The following HRH2 variants were observed in gnomAD, a reference collection of about 807,000 sequenced individuals.
The protein encoded by HRH2 is histamine receptor H2, also known as histamine H2 receptor.
A neutral mutation model predicts 20.1 loss-of-function variants in HRH2; 4 were observed. That is an observed-to-expected ratio of 0.20 (90% CI 0.10 to 0.45). The LOEUF is 0.45. Among genes scored for constraint, HRH2 ranks in the 20% least tolerant of loss-of-function variants. The pLI, the probability that HRH2 is intolerant of heterozygous loss-of-function variation, is 0.99. For missense variants in HRH2, 250 were observed against 461.6 expected (o/e 0.54, Z 4.20); for synonymous variants, 197 against 200.7 (o/e 0.98, Z 0.16).
chr5:175,684,339 TG>T (rs1365198426), intron 2 of HRH2, 30 bp downstream of exon 2: 2 of 1,599,416 alleles, frequency 1.3e-6, no homozygotes, highest in South Asian at 2.2e-5. Flanking sequence ...GTGCACAGGA[TG>T]GGGGCAATGG....
intron 2 of HRH2, among the ~76,000 whole-genome samples, chr5:175,697,462 C>CAAAAA (rs60466733): frequency 4.5e-4 from 37 of 82,580 alleles, no homozygotes; most frequent in African/African-American, 1.1e-3. Context: ...GACTCCGTCT[C>CAAAAA]AAAAAAAAAA....
intron 1 of HRH2, among the ~76,000 whole-genome samples, 163 bp from the exon 2 acceptor site, chr5:175,682,546 T>C (rs1194564920): frequency 1.3e-5 from 2 of 152,102 alleles, no homozygotes; most frequent in Admixed American, 1.3e-4. Context: ...CCAGTATGTA[T>C]CCTGATTGCC....
chr5:175,663,927 GC>G (rs1374665823), intron 1 of HRH2, among the ~76,000 whole-genome samples: 7 of 152,226 alleles, frequency 4.6e-5, no homozygotes, highest in African/African-American at 7.2e-5. Context: ...AGTGGGACTG[GC>G]TGATTGCAAA....
chr5:175,660,323 C>A (rs554375010), intron 1 of HRH2, among the ~76,000 whole-genome samples: 1 of 152,198 alleles, frequency 6.6e-6, no homozygotes, highest in African/African-American at 2.4e-5. Flanking sequence ...GCCTCTTTCA[C>A]GTGCAGAGAT....
At position 175,667,186 on chromosome 5, in the gene HRH2, G is replaced by A. The variant is rs543272875; in HGVS notation, c.-526+9031G>A. ...TGGCTGGGTGCGGTGGCTCATGTCT[G>A]TAATTCCAGCATTTTGGGAGGCTGA... is the stretch of plus-strand genomic sequence containing the variant. On this transcript the variant is annotated intron_variant, in intron 1 of 2. Transcript: ENST00000636584. 4.1e-3 allele frequency among the ~76,000 whole-genome samples: 629 copies of A among 152,262 alleles called. 3 individuals carry two copies. The highest frequency in any genetic ancestry group is 0.015 in the African/African-American group (605 of 41,542).
chr5:175,664,451 C>A (rs1053450589), intron 1 of HRH2, among the ~76,000 whole-genome samples: 3 of 152,014 alleles, frequency 2.0e-5, no homozygotes, highest in Non-Finnish European at 4.4e-5. Context: ...TCTGGGTATT[C>A]CAGATGTAGA....
chr5:175,677,699 T>C lies in HRH2; in HGVS notation c.-525-5010T>C, dbSNP rs1755805765. Among the ~76,000 whole-genome samples the C allele has an allele frequency of 6.6e-6, 1 of 152,192 alleles. No homozygotes were observed. The highest frequency in any genetic ancestry group is 6.5e-5 in the Admixed American group (1 of 15,288). On this transcript the variant is annotated intron_variant, in intron 1 of 2. Transcript: ENST00000636584. This position sits in a 1 kb window ranked among gnomAD's most constrained non-coding sequence, Gnocchi z 4.2. ...CAGGAGGCACCTGGAACATTTGAAG[T>C]GGTCGATGACAGGGGAAAAGTTCTG... is the stretch of plus-strand genomic sequence containing the variant.
chr5:175,700,842 C>T (rs1024861215), intron 2 of HRH2, among the ~76,000 whole-genome samples: 3 of 152,080 alleles, frequency 2.0e-5, no homozygotes, highest in Non-Finnish European at 4.4e-5. Context: ...GAGCTGAGAT[C>T]GTGCCACTGC....
At chr5:175,696,873 A>C (rs1453067468) in intron 2 of HRH2, among the ~76,000 whole-genome samples, 5 of 152,238 alleles carry the variant, frequency 3.3e-5, no homozygotes, top group African/African-American at 1.2e-4. Flanking sequence ...AGACATAGAA[A>C]ATGCTAGAGC....
At chr5:175,703,806 A>C (rs1204518921) in intron 2 of HRH2, 1 of 152,150 alleles carries the variant, frequency 6.6e-6, no homozygotes, top group African/African-American at 2.4e-5. Flanking sequence ...ACTAAGGTGA[A>C]GTGAATAAGT....
intron 1 of HRH2, among the ~76,000 whole-genome samples, chr5:175,675,477 C>G (rs897836612): frequency 1.3e-5 from 2 of 152,190 alleles, no homozygotes; most frequent in East Asian, 3.8e-4. Context: ...CCATTTTTAT[C>G]CTAACAACAG....
intron 2 of HRH2, among the ~76,000 whole-genome samples, chr5:175,688,655 G>A (rs1307148806): frequency 3.9e-5 from 6 of 152,196 alleles, no homozygotes; most frequent in Non-Finnish European, 5.9e-5. Flanking sequence ...GAGTCTCTCT[G>A]ATCCCAAAGC....
In HRH2 at chr5:175,710,695, T is replaced by C. The variant is rs1043086983; in HGVS notation, c.*2724T>C. The C allele has an allele frequency of 2.6e-5, 4 of 152,230 alleles. No individual in the cohort carries two copies. Among genetic ancestry groups the C allele is most frequent in the East Asian group, 1.9e-4 (1 of 5,198 alleles). 9.4% of individuals were successfully genotyped at this position (152,230 alleles called of 1,614,324 possible). ...ATGCTGCCTGGAGGAGGAACATCTG[T>C]GGTGGGACCCCAAATCCATGTTTGT... On this transcript the variant is annotated 3_prime_UTR_variant, in exon 3 of 3. Coordinates refer to ENST00000636584, the MANE Select transcript of HRH2 (RefSeq NM_001367711.1).
intron 1 of HRH2, among the ~76,000 whole-genome samples, chr5:175,659,970 C>T (rs1445336406): frequency 6.6e-6 from 1 of 152,234 alleles, no homozygotes; most frequent in Non-Finnish European, 1.5e-5. Context: ...TCCTCCATCA[C>T]CTTGTCCCGG....
intron 1 of HRH2, among the ~76,000 whole-genome samples, chr5:175,668,033 C>T (rs1755359564): frequency 6.6e-6 from 1 of 152,196 alleles, no homozygotes; most frequent in Non-Finnish European, 1.5e-5. Flanking sequence ...TGCTGTGTCT[C>T]TTTGAAACCT....
Position 175,683,291 on chromosome 5 carries a change from A to G in HRH2, c.58A>G (p.Thr20Ala), listed in dbSNP as rs762399361. 7 of 1,613,972 alleles carry G rather than the reference A, an allele frequency of 4.3e-6. No homozygotes were observed. The highest frequency in any genetic ancestry group is 5.9e-6 in the Non-Finnish European group (7 of 1,180,026). The stretch of plus-strand genomic sequence containing the variant: ...CCTGGACTCTACCGCATGCAAGATC[A>G]CCATCACCGTGGTCCTTGCGGTCCT... Reference protein sequence around the residue: ...FCLDSTACKITITVVLAVLIL... With the variant: ...FCLDSTACKIAITVVLAVLIL... Residue 20 changes from threonine (T) to alanine (A), a missense_variant, in exon 2 of 3, where the codon ACC becomes GCC. Physicochemically the swap from Thr to Ala is moderately conservative, Grantham distance 58. Around this residue, in one of 5 missense-constraint regions of HRH2, gnomAD observed 24 missense variants for 22.9 expected, o/e 1.05. Transcript: ENST00000636584.
chr5:175,684,970 C>T lies in HRH2; in HGVS notation c.1076+661C>T, dbSNP rs138425636. On this transcript the variant is annotated intron_variant, in intron 2 of 2. Coordinates refer to ENST00000636584, the MANE Select transcript of HRH2 (RefSeq NM_001367711.1). ...GCAGATCTATGCCTTGGAAAGAGGGCTCTGGGTACCCCTAAGATGTGGACC... is the reference window on the plus strand; with the variant it reads ...GCAGATCTATGCCTTGGAAAGAGGGTTCTGGGTACCCCTAAGATGTGGACC... Among the ~76,000 whole-genome samples the T allele has an allele frequency of 9.3e-3, 1,414 of 152,176 alleles. 14 individuals are homozygous for T. The highest frequency in any genetic ancestry group is 0.032 in the African/African-American group (1,328 of 41,494).
intron 2 of HRH2, among the ~76,000 whole-genome samples, chr5:175,704,467 A>G (rs1756881082): frequency 6.6e-6 from 1 of 152,178 alleles, no homozygotes; most frequent in Admixed American, 6.5e-5. Context: ...ACACAAAACA[A>G]AATCTCTGAG....
intron 2 of HRH2, among the ~76,000 whole-genome samples, chr5:175,705,334 A>G (rs1409553297): frequency 2.0e-5 from 3 of 152,238 alleles, no homozygotes; most frequent in African/African-American, 7.2e-5. Context: ...AGAGAATTCA[A>G]CTAGCACTCA....
Sources: gnomAD v4.1 joint callset for allele counts (sites outside exome capture counted in the v4.1 genomes callset) on GRCh38, gnomAD v4.1.1 for gene constraint, gnomAD v4.1.1 regional missense constraint, Gnocchi (gnomAD v3.1) non-coding constraint, MANE v1.5 for transcripts, NCBI Gene and HGNC (gene_info 2026-07-23, HGNC 2026-07-21) for gene names.